Variants in RYR2 observed in about 807,000 individuals in gnomAD.
The protein encoded by RYR2 is ryanodine receptor 2, also known as cardiac muscle ryanodine receptor-calcium release channel.
RYR2 carries 227 observed loss-of-function variants against 601.1 expected under a neutral mutation model. That is an observed-to-expected ratio of 0.38 (90% CI 0.34 to 0.42). The LOEUF (loss-of-function observed/expected upper bound fraction) is 0.42. Among genes scored for constraint, RYR2 ranks in the 10% least tolerant of loss-of-function variants. The pLI is 1.00. For missense variants in RYR2, 4,646 were observed against 6,156.5 expected, an observed-to-expected ratio of 0.75 and a Z score of 8.21; for synonymous variants, 2,223 against 2,175.1, an observed-to-expected ratio of 1.02 and a Z score of -0.61.
chr1:237,595,642 G>T lies in RYR2; in HGVS notation c.4581G>T (p.Leu1527=). The T allele has an allele frequency of 6.2e-7, 1 of 1,612,398 alleles. No homozygotes were observed. Among genetic ancestry groups the T allele is most frequent in the Non-Finnish European group, 8.5e-7 (1 of 1,179,318 alleles). Residue 1527 remains leucine (L), a synonymous_variant, in exon 34 of 105, where the codon CTG becomes CTT. Coordinates refer to ENST00000366574, the MANE Select transcript of RYR2 (RefSeq NM_001035.3). ...LLTFIANGKE[L]STYYQVEPST... is the part of the protein sequence containing the mutation. ...CATTCATTGCCAATGGCAAGGAACT[G>T]AGCACATACTATCAGGTACGCGGTC...
chr1:237,676,553 T>G (rs1040067057), intron 60 of RYR2, among the ~76,000 whole-genome samples: 1 of 152,172 alleles, frequency 6.6e-6, no homozygotes. Flanking sequence ...CAGGGCAAAT[T>G]AGGTACAAGA....
rs748678280 is a variant in RYR2 at position 237,595,550 on chromosome 1, G to A, written c.4489G>A (p.Gly1497Arg). The A allele has an allele frequency of 1.2e-5, 19 of 1,613,512 alleles. No individual in the cohort carries two copies. The highest frequency in any genetic ancestry group is 4.0e-5 in the African/African-American group (3 of 74,898). ...MVCAGESMSP[G>R]QGRNNNGLEI... is the part of the protein sequence containing the mutation. ...ATGTGCGGGTGAGAGCATGAGCCCC[G>A]GGCAAGGACGCAACAATAATGGACT... Residue 1497 changes from glycine (G) to arginine (R), a missense_variant, in exon 34 of 105, where the codon GGG becomes AGG. Physicochemically the swap from Gly to Arg is moderately radical, Grantham distance 125 (BLOSUM62 -2). Transcript: ENST00000366574.
chr1:237,275,299 A>G (rs181536655), intron 2 of RYR2, among the ~76,000 whole-genome samples: 1 of 152,178 alleles, frequency 6.6e-6, no homozygotes, highest in African/African-American at 2.4e-5. Context: ...TAAAATAAGA[A>G]CTTAAAATTA....
chr1:237,265,836 T>C (rs1218555815), intron 1 of RYR2, among the ~76,000 whole-genome samples: 1 of 152,114 alleles, frequency 6.6e-6, no homozygotes, highest in East Asian at 1.9e-4. Flanking sequence ...AATTGATGGA[T>C]TGGAAAAGTG....
rs774710634 is a variant in RYR2 at position 237,674,083 on chromosome 1, G to A, written c.8591-13G>A. On this transcript the variant is annotated splice_polypyrimidine_tract_variant and intron_variant, in intron 58 of 104. Coordinates refer to ENST00000366574, the MANE Select transcript of RYR2 (RefSeq NM_001035.3). ...AATTACTATGCTGTGTTCTTGTCCT[G>A]ACATACTCTTAGGAGGAGGAAACCA... is the stretch of plus-strand genomic sequence containing the variant. 1.2e-6 allele frequency: 2 copies of A among 1,606,838 alleles called. No individual in the cohort carries two copies. The highest frequency in any genetic ancestry group is 3.4e-5 in the Admixed American group (2 of 59,602).
chr1:237,344,226 C>T (rs1572668399), intron 3 of RYR2, among the ~76,000 whole-genome samples: 1 of 152,140 alleles, frequency 6.6e-6, no homozygotes. Flanking sequence ...ATTCTCATGG[C>T]GTTTTGCCGG....
chr1:237,559,821 A>G (rs1469148965), intron 27 of RYR2, among the ~76,000 whole-genome samples: 2 of 152,064 alleles, frequency 1.3e-5, no homozygotes, highest in African/African-American at 4.8e-5. Flanking sequence ...GCTTATTGTC[A>G]TTGTTGTTTG....
intron 40 of RYR2, among the ~76,000 whole-genome samples, chr1:237,626,912 C>T (rs773954340): frequency 6.6e-6 from 1 of 151,994 alleles, no homozygotes; most frequent in Non-Finnish European, 1.5e-5. Flanking sequence ...CTATTATTAT[C>T]AAGTTTATGA....
At chr1:237,779,519 C>A (rs1042773411) in intron 88 of RYR2, among the ~76,000 whole-genome samples, 4 of 152,192 alleles carry the variant, frequency 2.6e-5, no homozygotes, top group Admixed American at 2.6e-4. Flanking sequence ...AGAATGCTGT[C>A]ATTCTAATTC....
Position 237,660,066 on chromosome 1 carries a change from T to C in RYR2, c.8290T>C (p.Ser2764Pro). The change falls in exon 55 of 105, where the codon TCT (serine) becomes CCT (proline). Residue 2764 changes from serine (S) to proline (P), a missense_variant. Around this residue, in one of 17 missense-constraint regions of RYR2, gnomAD observed 1,497 missense variants for 1,842.6 expected, o/e 0.81. Transcript: ENST00000366574. ...QPLMKPYKLLSEKEKEIYRWP... is the reference protein window; with the variant it reads ...QPLMKPYKLLPEKEKEIYRWP... Reference sequence around the variant, plus strand: ...ATTAATGAAGCCATATAAGCTATTGTCTGAAAAGGTAAGGATTTTTTGTTT... The same window carrying C: ...ATTAATGAAGCCATATAAGCTATTGCCTGAAAAGGTAAGGATTTTTTGTTT... 1.3e-6 allele frequency: 2 copies of C among 1,528,820 alleles called. No homozygotes were observed. The highest frequency in any genetic ancestry group is 2.7e-5 in the South Asian group (2 of 73,172). The allele number at this position is 1,528,820 out of a possible 1,614,324, so 94.7% of individuals were successfully genotyped here.
intron 10 of RYR2, among the ~76,000 whole-genome samples, chr1:237,395,169 T>TTG (rs1267917381): frequency 6.6e-6 from 1 of 152,136 alleles, no homozygotes; most frequent in African/African-American, 2.4e-5. Context: ...TCAACAACAC[T>TTG]ATATTCAGGA....
At chr1:237,795,873 T>TGTATATGTATATATATATATATAC (rs1659118725) in intron 96 of RYR2, among the ~76,000 whole-genome samples, 1 of 140,910 alleles carries the variant, frequency 7.1e-6, no homozygotes, top group Non-Finnish European at 1.5e-5. Flanking sequence ...TATATATATA[T>TGTATATGTATATATATATATATAC]ACACATATAT....
chr1:237,141,692 C>A (rs1466305271), intron 1 of RYR2, among the ~76,000 whole-genome samples: 2 of 152,196 alleles, frequency 1.3e-5, no homozygotes, highest in African/African-American at 4.8e-5. Context: ...CTTTAGAGAT[C>A]GGCCCTGCCT....
At chr1:237,063,686 T>A (rs1663174454) in intron 1 of RYR2, among the ~76,000 whole-genome samples, 2 of 152,204 alleles carry the variant, frequency 1.3e-5, no homozygotes, top group South Asian at 4.1e-4. Context: ...ACTTATATGT[T>A]GCACTGTCTA....
intron 2 of RYR2, among the ~76,000 whole-genome samples, chr1:237,283,694 G>A (rs116779943): frequency 0.026 from 3,928 of 152,278 alleles, 179 homozygotes; most frequent in African/African-American, 0.091. Flanking sequence ...TTTCAAGGTT[G>A]CTGGAGTAAA....
intron 2 of RYR2, among the ~76,000 whole-genome samples, chr1:237,288,718 A>G (rs1195066517): frequency 1.3e-5 from 2 of 151,862 alleles, no homozygotes; most frequent in Non-Finnish European, 2.9e-5. Flanking sequence ...GGGTTTGAAC[A>G]CTTACCCCAG....
intron 12 of RYR2, among the ~76,000 whole-genome samples, chr1:237,435,154 G>A (rs575973876): frequency 2.0e-5 from 3 of 152,230 alleles, no homozygotes; most frequent in South Asian, 2.1e-4. Flanking sequence ...TGTTTCAGAT[G>A]TTTTAAAATG....
At chr1:237,369,823 T>G (rs1490874060) in intron 6 of RYR2, among the ~76,000 whole-genome samples, 1 of 152,216 alleles carries the variant, frequency 6.6e-6, no homozygotes, top group Admixed American at 6.5e-5. Context: ...CATTATATGA[T>G]TACCATCTTC....
At chr1:237,469,401 A>G (rs1660463669) in intron 17 of RYR2, among the ~76,000 whole-genome samples, 1 of 152,076 alleles carries the variant, frequency 6.6e-6, no homozygotes, top group Non-Finnish European at 1.5e-5. Flanking sequence ...GCACTCCAAC[A>G]TGGACAATAT....
Sources: allele counts gnomAD v4.1 joint callset (sites outside exome capture counted in the v4.1 genomes callset), GRCh38; gene constraint gnomAD v4.1.1; regional missense constraint gnomAD v4.1.1; transcripts MANE v1.5; gene names NCBI Gene and HGNC (gene_info 2026-07-23, HGNC 2026-07-21).